The following HCN1 variants were observed in gnomAD, a reference collection of about 807,000 sequenced individuals.
The protein encoded by HCN1 is potassium/sodium hyperpolarization-activated cyclic nucleotide-gated channel 1.
In HCN1, 13 loss-of-function variants were observed where a neutral mutation model predicts 78.9. The ratio of observed to expected loss-of-function variants is 0.16; its 90% CI spans 0.11 to 0.26. The LOEUF is 0.26. HCN1 is among the 10% of genes least tolerant of loss of function. HCN1 has a pLI of 1.00. For missense variants in HCN1, 810 were observed against 1,154.3 expected, an observed-to-expected ratio of 0.70 and a Z score of 4.32; for synonymous variants, 552 against 455.5, an observed-to-expected ratio of 1.21 and a Z score of -2.70.
At chr5:45,297,225 G>A (rs1745514851) in intron 6 of HCN1, among the ~76,000 whole-genome samples, 1 of 152,108 alleles carries the variant, frequency 6.6e-6, no homozygotes. Flanking sequence ...AACTGCAGCA[G>A]GGACACACCC....
Position 45,607,756 on chromosome 5 carries a change from A to G in HCN1, c.849+37429T>C, listed in dbSNP as rs1322300801. 4.6e-5 allele frequency among the ~76,000 whole-genome samples: 7 copies of G among 151,830 alleles called. No homozygotes were observed. The South Asian group carries it at 1.2e-3, about 27-fold the overall frequency. On this transcript the variant is annotated intron_variant, in intron 2 of 7. Coordinates refer to ENST00000303230, the MANE Select transcript of HCN1 (RefSeq NM_021072.4). ...ATGCAACTTACTGCCTTTAATAAAA[A>G]TTATTGGCAAAAGCAACAGGGATAA...
At chr5:45,365,786 A>T (rs913416569) in intron 4 of HCN1, among the ~76,000 whole-genome samples, 25 of 151,676 alleles carry the variant, frequency 1.6e-4, no homozygotes, top group Admixed American at 3.3e-4. Flanking sequence ...TATTTTTTTT[A>T]AAAAAGACTT....
At chr5:45,483,094 C>T (rs1161147319) in intron 2 of HCN1, among the ~76,000 whole-genome samples, 5 of 152,052 alleles carry the variant, frequency 3.3e-5, no homozygotes, top group Admixed American at 3.3e-4. Flanking sequence ...CTTTTTGGTA[C>T]AATAATTTAT....
intron 5 of HCN1, among the ~76,000 whole-genome samples, chr5:45,328,696 A>G (rs1230504386): frequency 6.6e-6 from 1 of 151,592 alleles, no homozygotes; most frequent in Non-Finnish European, 1.5e-5. Context: ...TGAGTTGTGT[A>G]TTTCTGGATT....
At chr5:45,658,762 G>T (rs1310981036) in intron 1 of HCN1, among the ~76,000 whole-genome samples, 1 of 151,906 alleles carries the variant, frequency 6.6e-6, no homozygotes, top group African/African-American at 2.4e-5. Context: ...AAAAAACGGC[G>T]CACCACGAGA....
chr5:45,352,791 G>A (rs1746937843), intron 5 of HCN1, among the ~76,000 whole-genome samples: 1 of 151,914 alleles, frequency 6.6e-6, no homozygotes, highest in Non-Finnish European at 1.5e-5. Context: ...TCAAAAAGAA[G>A]AATCAGTTTG....
At chr5:45,297,401 C>T (rs766702289) in intron 6 of HCN1, among the ~76,000 whole-genome samples, 17 of 152,074 alleles carry the variant, frequency 1.1e-4, no homozygotes, top group Admixed American at 4.6e-4. Context: ...GCAGAGATTT[C>T]GTTTATGGCC....
At chr5:45,655,697 C>T (rs1745751238) in intron 1 of HCN1, among the ~76,000 whole-genome samples, 2 of 152,032 alleles carry the variant, frequency 1.3e-5, no homozygotes, top group African/African-American at 4.8e-5. Context: ...TGAGAGTTTG[C>T]CTACATTCCC....
At chr5:45,391,943 G>T (rs2112035754) in intron 4 of HCN1, among the ~76,000 whole-genome samples, 1 of 152,204 alleles carries the variant, frequency 6.6e-6, no homozygotes, top group South Asian at 2.1e-4. Flanking sequence ...AATAGTGAAA[G>T]GGGTAAAAGT....
At chr5:45,684,355 G>C (rs904903305) in intron 1 of HCN1, among the ~76,000 whole-genome samples, 2 of 152,106 alleles carry the variant, frequency 1.3e-5, no homozygotes, top group African/African-American at 4.8e-5. Context: ...GGTGCTTCTA[G>C]CATGTATTTC....
rs1485709375 is a variant in HCN1, at chr5:45,695,887, G to GCCGCCACCGCCGCCA, written c.192_206dup (p.Gly70_Gly74dup). The GCCGCCACCGCCGCCA allele has an allele frequency of 1.5e-5, 22 of 1,447,622 alleles. No homozygotes were observed. The Admixed American group carries it at 2.7e-4, about 18-fold the overall frequency. The allele number at this position is 1,447,622 out of a possible 1,614,324, so 89.7% of individuals were successfully genotyped here. A position where few individuals can be genotyped will look rare whatever the true frequency, so the allele number is the denominator to read the frequency against. On this transcript the variant is annotated inframe_insertion, in exon 1 of 8. Coordinates refer to ENST00000303230, the MANE Select transcript of HCN1 (RefSeq NM_021072.4). ...CCGGCTCCTCGCCGCCGCCGCCGCCGCCGCCACCGCCGCCACCGCCGTCCA... is the reference window on the plus strand; with the variant it reads ...CCGGCTCCTCGCCGCCGCCGCCGCCGCCGCCACCGCCGCCACCGCCACCGCCGCCACCGCCGTCCA...
intron 2 of HCN1, among the ~76,000 whole-genome samples, chr5:45,615,040 A>G (rs1487752482): frequency 1.3e-5 from 2 of 151,988 alleles, no homozygotes; most frequent in Admixed American, 6.6e-5. Context: ...AATTGTCTCT[A>G]TATCTCAATT....
intron 4 of HCN1, among the ~76,000 whole-genome samples, chr5:45,379,575 T>C (rs1747762793): frequency 6.6e-6 from 1 of 152,220 alleles, no homozygotes; most frequent in Non-Finnish European, 1.5e-5. Context: ...CACAAGATAC[T>C]TCCTTATTTT....
In HCN1 at chr5:45,447,816, A is replaced by G. The variant is rs536248251; in HGVS notation, c.1011+14030T>C. Among the ~76,000 whole-genome samples, 19 of 152,134 alleles carry G rather than the reference A, an allele frequency of 1.2e-4. 1 individual carries two copies. Among genetic ancestry groups the G allele is most frequent in the African/African-American group, 4.3e-4 (18 of 41,516 alleles). On this transcript the variant is annotated intron_variant, in intron 3 of 7. Coordinates refer to ENST00000303230, the MANE Select transcript of HCN1 (RefSeq NM_021072.4). ...CCTCAAAAAGGGGGAGGTGTTTGGTATATGTCCTTAGCAAGGTTTGCAACA... is the reference window on the plus strand; with the variant it reads ...CCTCAAAAAGGGGGAGGTGTTTGGTGTATGTCCTTAGCAAGGTTTGCAACA...
chr5:45,285,763 T>C (rs1037909415), intron 6 of HCN1, among the ~76,000 whole-genome samples: 9 of 151,980 alleles, frequency 5.9e-5, no homozygotes, highest in Non-Finnish European at 1.2e-4. Context: ...TTTGTTTTAT[T>C]TTCTAGGACC....
chr5:45,503,515 A>T (rs2111738596), intron 2 of HCN1, among the ~76,000 whole-genome samples: 1 of 152,290 alleles, frequency 6.6e-6, no homozygotes, highest in African/African-American at 2.4e-5. Context: ...TTTTTTGAAG[A>T]AAGACAATCC....
intron 1 of HCN1, among the ~76,000 whole-genome samples, chr5:45,689,969 A>ATAC (rs1283026421): frequency 9.2e-5 from 14 of 152,250 alleles, no homozygotes; most frequent in Non-Finnish European, 1.5e-4. Context: ...AACTGGAGGC[A>ATAC]GTATTAATTG....
intron 2 of HCN1, among the ~76,000 whole-genome samples, chr5:45,536,933 T>G (rs1405194543): frequency 6.6e-6 from 1 of 152,204 alleles, no homozygotes; most frequent in Non-Finnish European, 1.5e-5. Context: ...TTCCCCTGTT[T>G]CCCTGCAATT....
Position 45,367,317 on chromosome 5 carries a change from A to G in HCN1, c.1231-14071T>C, listed in dbSNP as rs188278449. Among the ~76,000 whole-genome samples, 60 of 151,874 alleles carry G rather than the reference A, an allele frequency of 4.0e-4. No individual in the cohort carries two copies. The East Asian group carries it at 8.0e-3, about 20-fold the overall frequency. ...AAAAGATCCATATTGGTGAATATCAATGATTGATTTCAAAAGAATTACACA... is the reference window on the plus strand; with the variant it reads ...AAAAGATCCATATTGGTGAATATCAGTGATTGATTTCAAAAGAATTACACA... On this transcript the variant is annotated intron_variant, in intron 4 of 7. Coordinates refer to ENST00000303230, the MANE Select transcript of HCN1 (RefSeq NM_021072.4).
Sources: allele counts gnomAD v4.1 joint callset (sites outside exome capture counted in the v4.1 genomes callset), GRCh38; gene constraint gnomAD v4.1.1; transcripts MANE v1.5; gene names NCBI Gene and HGNC (gene_info 2026-07-23, HGNC 2026-07-21).